The following THSD7B variants were observed in gnomAD, a reference collection of about 807,000 sequenced individuals.
The protein encoded by THSD7B is thrombospondin type-1 domain-containing protein 7B.
THSD7B carries 138 observed loss-of-function variants against 213.6 expected under a neutral mutation model. The ratio of observed to expected loss-of-function variants is 0.65; its 90% CI spans 0.56 to 0.74. The LOEUF (loss-of-function observed/expected upper bound fraction) is 0.74. Ranked by LOEUF, THSD7B falls within the 30% of genes least tolerant of loss-of-function variation. THSD7B has a pLI of 0.00. For missense variants in THSD7B, 1,931 were observed against 1,991.5 expected (o/e 0.97, Z 0.58); for synonymous variants, 742 against 687.0 (o/e 1.08, Z -1.25).
chr2:136,991,635 G>A (rs1685786267), intron 2 of THSD7B, among the ~76,000 whole-genome samples: 1 of 152,122 alleles, frequency 6.6e-6, no homozygotes, highest in Admixed American at 6.5e-5. Flanking sequence ...TAAATTGAGT[G>A]TAGTGCATCA....
At chr2:136,767,011 C>T (rs1014221441) in intron 1 of THSD7B, among the ~76,000 whole-genome samples, 4 of 151,462 alleles carry the variant, frequency 2.6e-5, no homozygotes, top group African/African-American at 7.3e-5. Flanking sequence ...CATGCGCGTG[C>T]GTGTGAACGT....
chr2:137,241,643 T>G (rs985485837), intron 9 of THSD7B, among the ~76,000 whole-genome samples: 7 of 152,168 alleles, frequency 4.6e-5, no homozygotes, highest in African/African-American at 1.7e-4. Flanking sequence ...CTGGGCTCGG[T>G]GGCTCACGCC....
chr2:137,225,446 T>C (rs1681474989), intron 7 of THSD7B, among the ~76,000 whole-genome samples: 1 of 152,160 alleles, frequency 6.6e-6, no homozygotes, highest in Admixed American at 6.5e-5. Flanking sequence ...GAGAAAGATA[T>C]ATGTGAGATA....
chr2:136,885,376 T>C (rs1367126), intron 2 of THSD7B, among the ~76,000 whole-genome samples: 138,701 of 152,052 alleles, frequency 0.91, 63,491 homozygotes, highest in East Asian at 1. Context: ...TTATGTTTTT[T>C]AGGATTTCCA....
intron 2 of THSD7B, among the ~76,000 whole-genome samples, chr2:137,028,587 A>G (rs1486345355): frequency 1.3e-5 from 2 of 152,212 alleles, no homozygotes; most frequent in Non-Finnish European, 2.9e-5. Flanking sequence ...TGTGCGAGGC[A>G]CTGGGGTTAC....
At chr2:137,559,400 G>T (rs1573708419) in intron 15 of THSD7B, among the ~76,000 whole-genome samples, 1 of 152,000 alleles carries the variant, frequency 6.6e-6, no homozygotes, top group East Asian at 1.9e-4. Flanking sequence ...AGCCCTCAGA[G>T]ATAATACCAC....
At position 137,642,230 on chromosome 2, in the gene THSD7B, G is replaced by A. The variant is rs1161589027; in HGVS notation, c.3800-258G>A. The A allele has an allele frequency of 1.1e-5, 4 of 369,872 alleles. No individual in the cohort carries two copies. The South Asian group carries it at 1.3e-4, about 12-fold the overall frequency. 22.9% of individuals were successfully genotyped at this position (369,872 alleles called of 1,614,324 possible). On this transcript the variant is annotated intron_variant, in intron 20 of 27. Coordinates refer to ENST00000409968, the MANE Select transcript of THSD7B (RefSeq NM_001316349.2). ...AATGTTTACAAGATCAGTCTACTTG[G>A]CAACAATAGAACGTTTGTACTTTGA...
intron 5 of THSD7B, among the ~76,000 whole-genome samples, chr2:137,133,729 T>A (rs1008738656): frequency 2.1e-4 from 32 of 152,182 alleles, no homozygotes; most frequent in African/African-American, 7.5e-4. Flanking sequence ...TGAAATTAAT[T>A]TTCCTAGTGT....
At chr2:136,927,411 T>C (rs1332653019) in intron 2 of THSD7B, among the ~76,000 whole-genome samples, 1 of 152,230 alleles carries the variant, frequency 6.6e-6, no homozygotes, top group Admixed American at 6.5e-5. Context: ...GCAAATTGAC[T>C]TCTGGAATAC....
intron 15 of THSD7B, among the ~76,000 whole-genome samples, chr2:137,552,342 T>C (rs1433480962): frequency 6.6e-6 from 1 of 152,194 alleles, no homozygotes; most frequent in Non-Finnish European, 1.5e-5. Flanking sequence ...TCTTGGAGGA[T>C]AGTGATGTGC....
chr2:137,363,162 G>A (rs1049708843), intron 12 of THSD7B, among the ~76,000 whole-genome samples: 1 of 152,174 alleles, frequency 6.6e-6, no homozygotes, highest in Non-Finnish European at 1.5e-5. Flanking sequence ...AATGAAGGCA[G>A]AAATAAAGAT....
intron 22 of THSD7B, among the ~76,000 whole-genome samples, chr2:137,656,024 A>C (rs1438070603): frequency 6.6e-6 from 1 of 152,184 alleles, no homozygotes; most frequent in African/African-American, 2.4e-5. Context: ...CGTTCAAAAA[A>C]TGTTGGCTGA....
chr2:137,581,390 C>T (rs1018620261), intron 17 of THSD7B, among the ~76,000 whole-genome samples: 4 of 152,106 alleles, frequency 2.6e-5, no homozygotes, highest in Non-Finnish European at 5.9e-5. Flanking sequence ...GAGCTTGAGA[C>T]CAGCCTTCCC....
At chr2:137,397,813 G>A (rs1411219775) in intron 12 of THSD7B, among the ~76,000 whole-genome samples, 2 of 145,964 alleles carry the variant, frequency 1.4e-5, no homozygotes, top group East Asian at 2.1e-4. Context: ...CCAATCAGAC[G>A]TAGATTTGGT....
chr2:137,020,687 G>A (rs1166200437), intron 2 of THSD7B, among the ~76,000 whole-genome samples: 2 of 152,148 alleles, frequency 1.3e-5, no homozygotes, highest in South Asian at 2.1e-4. Context: ...TGAGGGAGCC[G>A]CAAGCACTCC....
intron 15 of THSD7B, among the ~76,000 whole-genome samples, chr2:137,468,664 T>G (rs1272420433): frequency 6.7e-6 from 1 of 150,170 alleles, no homozygotes; most frequent in Non-Finnish European, 1.5e-5. Context: ...GTAGAACTTT[T>G]GACATAGTGA....
chr2:136,777,977 A>G (rs1002255529), intron 1 of THSD7B, among the ~76,000 whole-genome samples: 3 of 152,192 alleles, frequency 2.0e-5, no homozygotes, highest in Non-Finnish European at 2.9e-5. Context: ...AGGAATGCAT[A>G]AAGATGAACA....
At chr2:137,436,143 C>G (rs1260746624) in intron 14 of THSD7B, among the ~76,000 whole-genome samples, 3 of 151,770 alleles carry the variant, frequency 2.0e-5, no homozygotes, top group Non-Finnish European at 4.4e-5. Context: ...CCTGATTATA[C>G]ATATAAATAA....
intron 2 of THSD7B, among the ~76,000 whole-genome samples, chr2:137,044,350 C>T (rs1686932628): frequency 6.6e-6 from 1 of 152,156 alleles, no homozygotes; most frequent in Admixed American, 6.5e-5. Flanking sequence ...GCTTTGAGGA[C>T]TGCATGACAT....
Sources: gnomAD v4.1 joint callset for allele counts (sites outside exome capture counted in the v4.1 genomes callset) on GRCh38, gnomAD v4.1.1 for gene constraint, MANE v1.5 for transcripts, NCBI Gene and HGNC (gene_info 2026-07-23, HGNC 2026-07-21) for gene names.